The following LHFPL3 variants were observed in gnomAD, a reference collection of about 807,000 sequenced individuals.
LHFPL3 encodes the protein LHFPL tetraspan subfamily member 3, also known as LHFPL tetraspan subfamily member 3 protein.
In LHFPL3, 5 loss-of-function variants were observed where a neutral mutation model predicts 19.3. That is an observed-to-expected ratio of 0.26 (90% CI 0.14 to 0.54). LHFPL3 has a LOEUF of 0.54. Ranked by LOEUF, LHFPL3 falls within the 20% of genes least tolerant of loss-of-function variation. LHFPL3 has a pLI of 0.94. For missense variants in LHFPL3, 249 were observed against 307.4 expected (o/e 0.81, Z 1.42); for synonymous variants, 133 against 126.2 (o/e 1.05, Z -0.36).
intron 1 of LHFPL3, among the ~76,000 whole-genome samples, chr7:104,706,291 C>T (rs775509808): frequency 2.0e-5 from 3 of 152,098 alleles, no homozygotes; most frequent in African/African-American, 4.8e-5. Flanking sequence ...GTGTCACCAC[C>T]GAGAGGTGAA....
At chr7:104,462,182 C>T (rs1164836634) in intron 1 of LHFPL3, among the ~76,000 whole-genome samples, 1 of 152,118 alleles carries the variant, frequency 6.6e-6, no homozygotes, top group Non-Finnish European at 1.5e-5. Flanking sequence ...ATCATGTCAT[C>T]TGCAAACAGG....
intron 1 of LHFPL3, among the ~76,000 whole-genome samples, chr7:104,714,827 T>G (rs759879667): frequency 1.3e-5 from 2 of 152,202 alleles, no homozygotes; most frequent in Admixed American, 6.5e-5. Context: ...CTTATGCAAC[T>G]GTTCTTAAAA....
At chr7:104,666,572 A>AGTG (rs1262909006) in intron 1 of LHFPL3, among the ~76,000 whole-genome samples, 1 of 102,812 alleles carries the variant, frequency 9.7e-6, no homozygotes, top group Non-Finnish European at 1.8e-5. Flanking sequence ...CCCAGGCTGG[A>AGTG]GTGCAGTGGC....
chr7:104,884,763 A>C (rs1189394540), intron 2 of LHFPL3, among the ~76,000 whole-genome samples: 5 of 152,218 alleles, frequency 3.3e-5, no homozygotes, highest in Non-Finnish European at 7.3e-5. Flanking sequence ...GTATTTGAAG[A>C]AAATGACCTT....
chr7:104,417,880 TC>T (rs1250555708), intron 1 of LHFPL3, among the ~76,000 whole-genome samples: 13 of 121,326 alleles, frequency 1.1e-4, no homozygotes, highest in East Asian at 5.5e-4. Context: ...TTCTTCTTCT[TC>T]TTCTTTTTTT....
chr7:104,825,220 C>G (rs977919193), intron 2 of LHFPL3, among the ~76,000 whole-genome samples: 1 of 151,790 alleles, frequency 6.6e-6, no homozygotes, highest in Non-Finnish European at 1.5e-5. Flanking sequence ...GATCAATTCA[C>G]TTCTCCACTC....
chr7:104,593,879 T>TTC (rs2115654645), intron 1 of LHFPL3, among the ~76,000 whole-genome samples: 1 of 152,304 alleles, frequency 6.6e-6, no homozygotes, highest in Non-Finnish European at 1.5e-5. Flanking sequence ...TGCTTTTTTT[T>TTC]TGCATTCCAT....
intron 1 of LHFPL3, among the ~76,000 whole-genome samples, chr7:104,384,103 CAG>C (rs5886308): frequency 0.072 from 11,002 of 152,092 alleles, 437 homozygotes; most frequent in East Asian, 0.16. Flanking sequence ...ATAAGTTAAA[CAG>C]GGGACAATAA....
intron 2 of LHFPL3, among the ~76,000 whole-genome samples, chr7:104,884,087 G>T (rs1437174633): frequency 1.3e-5 from 2 of 152,110 alleles, no homozygotes; most frequent in Non-Finnish European, 2.9e-5. Context: ...ATAAGAAGTG[G>T]TAAGAATTCA....
chr7:104,476,547 G>A (rs1241468074), intron 1 of LHFPL3, among the ~76,000 whole-genome samples: 2 of 151,574 alleles, frequency 1.3e-5, no homozygotes, highest in African/African-American at 2.4e-5. Context: ...TGCAACCTCC[G>A]CCTCCTGGGT....
chr7:104,594,914 T>G (rs6942671), intron 1 of LHFPL3, among the ~76,000 whole-genome samples: 28,401 of 152,142 alleles, frequency 0.19, 2,870 homozygotes, highest in East Asian at 0.38. Context: ...TTCCCTACAC[T>G]GTTTATTCTA....
chr7:104,512,741 G>GA (rs763632273), intron 1 of LHFPL3, among the ~76,000 whole-genome samples: 67 of 143,124 alleles, frequency 4.7e-4, no homozygotes, highest in African/African-American at 1.2e-3. Context: ...CTTCTCAAAA[G>GA]AAAAAAAAAA....
intron 1 of LHFPL3, among the ~76,000 whole-genome samples, chr7:104,613,681 T>C (rs1791253167): frequency 6.6e-6 from 1 of 152,216 alleles, no homozygotes; most frequent in South Asian, 2.1e-4. Context: ...TTACTTACTC[T>C]TGAGTATCTC....
chr7:104,487,178 T>C (rs997107492), intron 1 of LHFPL3, among the ~76,000 whole-genome samples: 1 of 152,214 alleles, frequency 6.6e-6, no homozygotes, highest in Admixed American at 6.5e-5. Flanking sequence ...AAACCAGTTT[T>C]ATCATAGGCC....
At chr7:104,671,353 T>C (rs951015825) in intron 1 of LHFPL3, among the ~76,000 whole-genome samples, 2 of 152,032 alleles carry the variant, frequency 1.3e-5, no homozygotes, top group Non-Finnish European at 2.9e-5. Flanking sequence ...TCCAAAACTG[T>C]TTTTCCCTGT....
At chr7:104,451,959 T>C (rs967635530) in intron 1 of LHFPL3, among the ~76,000 whole-genome samples, 16 of 152,210 alleles carry the variant, frequency 1.1e-4, no homozygotes, top group African/African-American at 3.9e-4. Flanking sequence ...TTGGCCAGGG[T>C]GGTCTTGAAC....
intron 1 of LHFPL3, among the ~76,000 whole-genome samples, chr7:104,643,185 A>G (rs749091117): frequency 6.6e-6 from 1 of 152,136 alleles, no homozygotes; most frequent in Non-Finnish European, 1.5e-5. Flanking sequence ...GGCTCTCTCT[A>G]TAGGAGGGCA....
intron 1 of LHFPL3, among the ~76,000 whole-genome samples, chr7:104,536,675 C>G (rs756190640): frequency 6.6e-6 from 1 of 152,168 alleles, no homozygotes; most frequent in Non-Finnish European, 1.5e-5. Context: ...GTGTCAGCCT[C>G]AAGTTTTCCA....
chr7:104,545,829 T>C (rs1794569577), intron 1 of LHFPL3, among the ~76,000 whole-genome samples: 1 of 152,204 alleles, frequency 6.6e-6, no homozygotes, highest in African/African-American at 2.4e-5. Flanking sequence ...GCTCTATCAG[T>C]CTTCATGGGT....
Sources: gnomAD v4.1 joint callset for allele counts (sites outside exome capture counted in the v4.1 genomes callset) on GRCh38, gnomAD v4.1.1 for gene constraint, MANE v1.5 for transcripts, NCBI Gene and HGNC (gene_info 2026-07-23, HGNC 2026-07-21) for gene names.